Variants in WDR49 observed in about 807,000 individuals in gnomAD.
WDR49 encodes WD repeat domain 49, also known as cilia- and flagella-associated protein 337.
Under a neutral mutation model 119.5 loss-of-function variants are expected in WDR49, and 107 were observed. The ratio of observed to expected loss-of-function variants is 0.90; its 90% CI spans 0.77 to 1.05. The LOEUF (loss-of-function observed/expected upper bound fraction) is 1.05. Ranked by LOEUF, WDR49 falls within the 50% of genes least tolerant of loss-of-function variation. The pLI is 0.00. For synonymous variants in WDR49, 425 were observed against 418.8 expected (o/e 1.01, Z -0.18); for missense variants, 1,240 against 1,220.5 (o/e 1.02, Z -0.24).
chr3:167,496,895 A>T (rs1187913252), intron 18 of WDR49, among the ~76,000 whole-genome samples: 1 of 151,178 alleles, frequency 6.6e-6, no homozygotes, highest in Non-Finnish European at 1.5e-5. Context: ...TTCCAAACAC[A>T]TTTGACTTTA....
At chr3:167,505,733 T>C (rs886928259) in intron 16 of WDR49, among the ~76,000 whole-genome samples, 2 of 152,224 alleles carry the variant, frequency 1.3e-5, no homozygotes, top group Non-Finnish European at 2.9e-5. Context: ...TACATTATCC[T>C]TGCCTTATTA....
intron 2 of WDR49, among the ~76,000 whole-genome samples, chr3:167,644,584 T>C (rs1438203719): frequency 6.6e-6 from 1 of 152,160 alleles, no homozygotes; most frequent in Non-Finnish European, 1.5e-5. Flanking sequence ...ATCCAGTTGA[T>C]GAATATTTGG....
intron 9 of WDR49, among the ~76,000 whole-genome samples, chr3:167,558,061 C>A (rs1713049373): frequency 6.6e-6 from 1 of 151,892 alleles, no homozygotes; most frequent in Admixed American, 6.6e-5. Context: ...TGAAACCAAC[C>A]CAGGAACACA....
chr3:167,543,144 TA>T lies in WDR49; in HGVS notation c.1824-6145del, dbSNP rs1027113819. 2.7e-4 allele frequency among the ~76,000 whole-genome samples: 39 copies of T among 147,108 alleles called. 1 individual carries two copies. Among genetic ancestry groups the T allele is most frequent in the South Asian group, 4.3e-4 (2 of 4,662 alleles). ...AATAACAAGTAGTGAGATTAAGTAA[TA>T]AAAAAAAAATGCCAACAAAAAAAGT... On this transcript the variant is annotated intron_variant, in intron 10 of 18. Transcript: ENST00000682715.
chr3:167,483,595 CAG>C (rs767730073), intron 18 of WDR49, among the ~76,000 whole-genome samples: 1 of 151,936 alleles, frequency 6.6e-6, no homozygotes, highest in Non-Finnish European at 1.5e-5. Flanking sequence ...TTTAGAAAAA[CAG>C]AATATAAAAT....
At chr3:167,610,799 G>A (rs111476608) in intron 5 of WDR49, among the ~76,000 whole-genome samples, 3,468 of 152,280 alleles carry the variant, frequency 0.023, 119 homozygotes, top group African/African-American at 0.075. Flanking sequence ...CCACTGAGGT[G>A]CTTGTGTCAC....
At chr3:167,599,441 G>C (rs979751327) in intron 7 of WDR49, among the ~76,000 whole-genome samples, 1 of 152,086 alleles carries the variant, frequency 6.6e-6, no homozygotes, top group Non-Finnish European at 1.5e-5. Flanking sequence ...CAGTCAGCTT[G>C]TGGTGAAGTC....
In WDR49 at chr3:167,624,533, T is replaced by A. The variant is rs529623435; in HGVS notation, c.606+2319A>T. Among the ~76,000 whole-genome samples the A allele has an allele frequency of 1.1e-4, 17 of 152,164 alleles. No homozygotes were observed. The South Asian group carries it at 3.3e-3, about 30-fold the overall frequency. On this transcript the variant is annotated intron_variant, in intron 3 of 18. Transcript: ENST00000682715. ...AGGGTGATTAATATGTTCATTGTCT[T>A]CTTTGTACTTTTGATTTTTCACAGG... is the stretch of plus-strand genomic sequence containing the variant.
At chr3:167,608,772 T>C (rs540277403) in intron 5 of WDR49, among the ~76,000 whole-genome samples, 7 of 152,356 alleles carry the variant, frequency 4.6e-5, no homozygotes, top group Non-Finnish European at 8.8e-5. Flanking sequence ...TGATTTCTTG[T>C]TAATATTCTC....
chr3:167,565,781 A>T (rs558735794), intron 8 of WDR49, among the ~76,000 whole-genome samples: 1 of 152,280 alleles, frequency 6.6e-6, no homozygotes, highest in Admixed American at 6.5e-5. Flanking sequence ...GTGCACAGAG[A>T]TTCAAAACAA....
intron 9 of WDR49, among the ~76,000 whole-genome samples, chr3:167,558,641 G>A (rs1490991346): frequency 6.6e-6 from 1 of 152,144 alleles, no homozygotes; most frequent in Non-Finnish European, 1.5e-5. Flanking sequence ...CTCTAAACAT[G>A]GCTCTTACCA....
intron 18 of WDR49, among the ~76,000 whole-genome samples, chr3:167,487,414 A>G (rs747338828): frequency 6.6e-6 from 1 of 152,108 alleles, no homozygotes; most frequent in Non-Finnish European, 1.5e-5. Flanking sequence ...AAGACCCCAA[A>G]CTGGAAAAAT....
At chr3:167,527,680 G>C in intron 15 of WDR49, 140 bp downstream of exon 15, 1 of 838,720 alleles carries the variant, frequency 1.2e-6, no homozygotes, top group Non-Finnish European at 1.8e-6. Context: ...GAGTCGCCTG[G>C]AGCTACTGCT....
At position 167,560,047 on chromosome 3, in the gene WDR49, C is replaced by G; in HGVS notation, c.1674+17G>C. The stretch of plus-strand genomic sequence containing the variant: ...GTCTCCTCATATCTGGATAGAAAAG[C>G]ATCATTGTGTTCGCACCTTTACAGT... On this transcript the variant is annotated intron_variant, in intron 9 of 18. Transcript: ENST00000682715. 2.5e-6 allele frequency: 4 copies of G among 1,613,464 alleles called. No individual in the cohort carries two copies. Among genetic ancestry groups the G allele is most frequent in the Non-Finnish European group, 3.4e-6 (4 of 1,179,674 alleles).
intron 10 of WDR49, among the ~76,000 whole-genome samples, chr3:167,548,402 G>C (rs1712339371): frequency 6.6e-6 from 1 of 151,928 alleles, no homozygotes; most frequent in African/African-American, 2.4e-5. Context: ...TTTATGGTTT[G>C]ACTTAAAATG....
At chr3:167,548,645 T>C (rs1482847586) in intron 10 of WDR49, among the ~76,000 whole-genome samples, 2 of 152,016 alleles carry the variant, frequency 1.3e-5, no homozygotes, top group Non-Finnish European at 2.9e-5. Context: ...CTTTACAGGC[T>C]CACAGGGAAA....
At chr3:167,485,020 A>C (rs1183305278) in intron 18 of WDR49, among the ~76,000 whole-genome samples, 1 of 152,214 alleles carries the variant, frequency 6.6e-6, no homozygotes, top group African/African-American at 2.4e-5. Context: ...GCCATAAAAA[A>C]GAATGAGTTC....
intron 7 of WDR49, among the ~76,000 whole-genome samples, chr3:167,595,607 A>G (rs1715382626): frequency 6.6e-6 from 1 of 152,218 alleles, no homozygotes; most frequent in Non-Finnish European, 1.5e-5. Flanking sequence ...TGAGAAAAAC[A>G]AGCAATGGGG....
chr3:167,601,938 G>A (rs1476448150), intron 7 of WDR49, among the ~76,000 whole-genome samples, 189 bp downstream of exon 7: 1 of 152,130 alleles, frequency 6.6e-6, no homozygotes, highest in Non-Finnish European at 1.5e-5. Flanking sequence ...TTGCCCACTT[G>A]TCTAGGACTA....
Sources: allele counts gnomAD v4.1 joint callset (sites outside exome capture counted in the v4.1 genomes callset), GRCh38; gene constraint gnomAD v4.1.1; transcripts MANE v1.5; gene names NCBI Gene and HGNC (gene_info 2026-07-23, HGNC 2026-07-21).